Variants in PCDH15 observed in about 807,000 individuals in gnomAD.
The protein encoded by PCDH15 is protocadherin-15.
In PCDH15, 129 loss-of-function variants were observed where a neutral mutation model predicts 178.5. The observed-to-expected ratio is 0.72, with a 90% CI of 0.63 to 0.84. PCDH15 has a LOEUF of 0.84. PCDH15 is among the 40% of genes least tolerant of loss of function. The probability of loss-of-function intolerance (pLI) is 0.00; values close to 1 mark genes in which losing one functional copy is unlikely to be tolerated. For synonymous variants in PCDH15, 800 were observed against 732.0 expected (o/e 1.09, Z -1.50); for missense variants, 2,230 against 2,099.9 (o/e 1.06, Z -1.21).
chr10:54,018,902 A>G (rs1257460014), intron 20 of PCDH15, among the ~76,000 whole-genome samples: 1 of 152,144 alleles, frequency 6.6e-6, no homozygotes, highest in Non-Finnish European at 1.5e-5. Context: ...TAGAACATAG[A>G]TACAACTGTG....
rs555315893 is a variant in PCDH15, at chr10:54,007,214, G to T, written c.2752-11449C>A. ...CCAGGTTTCTATTATAACTTAGTTTGTAAGGCTAGTTATCACTCTGGATCT... is the reference window on the plus strand; with the variant it reads ...CCAGGTTTCTATTATAACTTAGTTTTTAAGGCTAGTTATCACTCTGGATCT... On this transcript the variant is annotated intron_variant, in intron 20 of 37. Transcript: ENST00000644397. 2.6e-5 allele frequency among the ~76,000 whole-genome samples: 4 copies of T among 152,260 alleles called. 1 individual carries two copies. The South Asian group carries it at 8.3e-4, about 32-fold the overall frequency.
intron 2 of PCDH15, among the ~76,000 whole-genome samples, chr10:55,127,468 G>A (rs898678486): frequency 6.6e-6 from 1 of 151,950 alleles, no homozygotes; most frequent in Non-Finnish European, 1.5e-5. Flanking sequence ...CTATAGAATG[G>A]ACTCATAATC....
At chr10:55,037,694 G>A (rs575385024) in intron 2 of PCDH15, among the ~76,000 whole-genome samples, 2 of 152,208 alleles carry the variant, frequency 1.3e-5, no homozygotes, top group East Asian at 3.9e-4. Flanking sequence ...AAATATCTGC[G>A]GACTCATGGC....
chr10:55,252,205 G>A (rs1057428630), intron 1 of PCDH15, among the ~76,000 whole-genome samples: 2 of 152,162 alleles, frequency 1.3e-5, no homozygotes, highest in East Asian at 3.9e-4. Context: ...CTTTTACAGA[G>A]TTATAAGCAA....
chr10:55,146,446 A>G (rs1405810949), intron 2 of PCDH15, among the ~76,000 whole-genome samples: 1 of 151,984 alleles, frequency 6.6e-6, no homozygotes, highest in East Asian at 1.9e-4. Flanking sequence ...CAAAAGGAAG[A>G]TGGAATCTGG....
intron 3 of PCDH15, among the ~76,000 whole-genome samples, chr10:54,459,458 C>T (rs2077035647): frequency 6.6e-6 from 1 of 151,772 alleles, no homozygotes; most frequent in South Asian, 2.1e-4. Context: ...AGTTGTTTTG[C>T]ATGAAGTCGT....
At position 55,063,503 on chromosome 10, in the gene PCDH15, A is replaced by T. The variant is rs141540498; in HGVS notation, c.-80+103073T>A. 3.1e-3 allele frequency among the ~76,000 whole-genome samples: 473 copies of T among 152,248 alleles called. 7 individuals are homozygous for T. Among genetic ancestry groups the T allele is most frequent in the African/African-American group, 0.011 (437 of 41,566 alleles). ...GCCATTTTTCCCTCATACTAGTTGTAAGGCACTAAAGAATGGACATGGGGA... is the reference window on the plus strand; with the variant it reads ...GCCATTTTTCCCTCATACTAGTTGTTAGGCACTAAAGAATGGACATGGGGA... On this transcript the variant is annotated intron_variant, in intron 2 of 5. Transcript: ENST00000458638.
chr10:54,702,440 A>T (rs1384596219), intron 1 of PCDH15, among the ~76,000 whole-genome samples: 1 of 151,824 alleles, frequency 6.6e-6, no homozygotes, highest in Non-Finnish European at 1.5e-5. Flanking sequence ...TGTTTCTTTG[A>T]AAAAATAAAT....
At chr10:54,843,926 C>T (rs1036785038) in intron 3 of PCDH15, among the ~76,000 whole-genome samples, 2 of 151,930 alleles carry the variant, frequency 1.3e-5, no homozygotes, top group Non-Finnish European at 2.9e-5. Context: ...CACAAAAATA[C>T]GATTTAACAT....
At chr10:55,301,214 A>T (rs1843268830) in intron 1 of PCDH15, among the ~76,000 whole-genome samples, 2 of 152,182 alleles carry the variant, frequency 1.3e-5, no homozygotes, top group Non-Finnish European at 2.9e-5. Context: ...GCAATTTTAC[A>T]TTCCCACCAG....
At chr10:54,726,927 G>A (rs1942628392) in intron 1 of PCDH15, among the ~76,000 whole-genome samples, 1 of 151,248 alleles carries the variant, frequency 6.6e-6, no homozygotes, top group Non-Finnish European at 1.5e-5. Context: ...GACCAAACCT[G>A]AAATTAATTT....
intron 8 of PCDH15, among the ~76,000 whole-genome samples, chr10:54,281,232 A>T (rs12267819): frequency 0.041 from 6,163 of 152,000 alleles, 388 homozygotes; most frequent in African/African-American, 0.14. Context: ...TTGGCAACGA[A>T]CTTATAACCC....
In PCDH15 at chr10:55,279,273, T is replaced by C. The variant is rs114190634; in HGVS notation, c.-156+40326A>G. Among the ~76,000 whole-genome samples, 1,470 of 152,128 alleles carry C rather than the reference T, an allele frequency of 9.7e-3. 24 individuals carry two copies. The highest frequency in any genetic ancestry group is 0.032 in the African/African-American group (1,340 of 41,490). On this transcript the variant is annotated intron_variant, in intron 1 of 5. Transcript: ENST00000458638. ...TAATTGATATGCGATCTCTGAGGAG[T>C]TGTCAGAAAAACAGTCTGTGTAGTA...
At chr10:54,198,741 T>C (rs1040117671) in intron 10 of PCDH15, among the ~76,000 whole-genome samples, 1 of 95,218 alleles carries the variant, frequency 1.1e-5, no homozygotes, top group East Asian at 2.4e-4. Context: ...GACCTCGTGA[T>C]CCGCCCGCCT....
intron 2 of PCDH15, among the ~76,000 whole-genome samples, chr10:55,505,722 T>C (rs752344502): frequency 1.1e-4 from 16 of 151,466 alleles, no homozygotes; most frequent in Non-Finnish European, 2.4e-4. Flanking sequence ...TCAGCAAGAC[T>C]AGCACAATCT....
intron 25 of PCDH15, chr10:53,907,049 C>T (rs2082730139): frequency 6.6e-6 from 1 of 152,042 alleles, no homozygotes; most frequent in South Asian, 2.1e-4. Flanking sequence ...AAGTATACAC[C>T]TATAGTTAAA....
At chr10:55,136,877 A>C (rs1453010033) in intron 2 of PCDH15, among the ~76,000 whole-genome samples, 1 of 152,192 alleles carries the variant, frequency 6.6e-6, no homozygotes, top group East Asian at 1.9e-4. Flanking sequence ...GAAAATATTC[A>C]GATACGGACT....
intron 1 of PCDH15, among the ~76,000 whole-genome samples, chr10:54,678,763 C>CT (rs111505179): frequency 1.8e-4 from 27 of 152,074 alleles, no homozygotes; most frequent in African/African-American, 6.3e-4. Context: ...ATAAATGTAA[C>CT]TTTTTAAAGT....
intron 3 of PCDH15, among the ~76,000 whole-genome samples, chr10:54,847,652 A>C (rs1460054723): frequency 6.6e-6 from 1 of 152,180 alleles, no homozygotes; most frequent in African/African-American, 2.4e-5. Flanking sequence ...TAACTAGCAT[A>C]CTGAAATTGT....
Sources: allele counts gnomAD v4.1 joint callset (sites outside exome capture counted in the v4.1 genomes callset), GRCh38; gene constraint gnomAD v4.1.1; transcripts MANE v1.5; gene names NCBI Gene and HGNC (gene_info 2026-07-23, HGNC 2026-07-21).